GSN: variants seen among roughly 807,000 people sequenced by gnomAD.
GSN encodes the protein actin-depolymerizing factor.
A neutral mutation model predicts 85.7 loss-of-function variants in GSN; 56 were observed. That is an observed-to-expected ratio of 0.65 (90% confidence interval 0.53 to 0.82). The LOEUF is 0.82. GSN is among the 40% of genes least tolerant of loss of function. The pLI is 0.00. For missense variants in GSN, 857 were observed against 979.8 expected, an observed-to-expected ratio of 0.87 and a Z score of 1.67; for synonymous variants, 373 against 399.1, an observed-to-expected ratio of 0.93 and a Z score of 0.78.
chr9:121,300,150 G>T, intron 2 of GSN: 2 of 1,568,080 alleles, frequency 1.3e-6, no homozygotes, highest in Non-Finnish European at 1.8e-6. Flanking sequence ...GCTGCTTCCG[G>T]GGCTCTGGCT....
intron 14 of GSN, 166 bp from the exon 15 acceptor site, chr9:121,328,725 C>T: frequency 1.3e-6 from 1 of 740,770 alleles, no homozygotes; most frequent in Non-Finnish European, 2.3e-6. Context: ...CGTCACCTTC[C>T]AATTCCCTCA....
chr9:121,229,034 A>G (rs537896606), intron 4 of GSN, among the ~76,000 whole-genome samples: 1 of 152,262 alleles, frequency 6.6e-6, no homozygotes, highest in South Asian at 2.1e-4. Context: ...ATAAGACACA[A>G]AAGTAGTGTC....
At chr9:121,274,261 T>C (rs537518234) in intron 1 of GSN, among the ~76,000 whole-genome samples, 2 of 152,308 alleles carry the variant, frequency 1.3e-5, no homozygotes, top group African/African-American at 4.8e-5. Context: ...TACTTTTTTT[T>C]TGTTATGGTA....
Position 121,316,935 on chromosome 9 carries a change from C to G in GSN, c.754-151C>G, listed in dbSNP as rs1039951648. On this transcript the variant is annotated intron_variant, in intron 7 of 17. Transcript: ENST00000432226. ...GATGTGGTTCTGACAAAGCAGAAAA[C>G]GAAAAAGAACCTCTAAATGTGTGCG... 1.2e-5 allele frequency: 10 copies of G among 851,482 alleles called. No individual in the cohort carries two copies. In the African/African-American group the frequency reaches 1.7e-4, roughly 15 times the overall value. The allele number at this position is 851,482 out of a possible 1,614,324, so 52.7% of individuals were successfully genotyped here.
intron 1 of GSN, chr9:121,280,668 T>A (rs1353343506): frequency 1.3e-5 from 2 of 152,194 alleles, no homozygotes; most frequent in African/African-American, 4.8e-5. Context: ...AGTAAACACA[T>A]GCCTTGTGCA....
Position 121,332,629 on chromosome 9 carries a change from C to T in GSN, c.*26C>T, listed in dbSNP as rs568601953. ...GGAGGGGCAGGGCCCACCCATGTCA[C>T]CGGTCAGTGCCTTTTGGAACTGTCC... On this transcript the variant is annotated 3_prime_UTR_variant, in exon 18 of 18. Coordinates refer to ENST00000432226, the MANE Select transcript of GSN (RefSeq NM_198252.3). This position sits in a 1 kb window ranked among gnomAD's most constrained non-coding sequence, Gnocchi z 4.8. The T allele has an allele frequency of 4.4e-6, 7 of 1,594,708 alleles. No individual in the cohort carries two copies. The African/African-American group carries it at 9.4e-5, about 21-fold the overall frequency.
At chr9:121,247,414 A>G (rs1391534651) in intron 5 of GSN, among the ~76,000 whole-genome samples, 3 of 152,204 alleles carry the variant, frequency 2.0e-5, no homozygotes, top group Non-Finnish European at 4.4e-5. Flanking sequence ...GTAGCCTTCC[A>G]ACTGTGCAGC....
intron 2 of GSN, among the ~76,000 whole-genome samples, chr9:121,209,944 C>T (rs1422067218): frequency 6.6e-6 from 1 of 152,158 alleles, no homozygotes; most frequent in African/African-American, 2.4e-5. Flanking sequence ...ACAATTTGGG[C>T]TAGGCCTTCA....
At chr9:121,247,870 C>G (rs546196881) in intron 5 of GSN, among the ~76,000 whole-genome samples, 4 of 144,122 alleles carry the variant, frequency 2.8e-5, no homozygotes, top group Admixed American at 7.1e-5. Flanking sequence ...CTCACCCCCC[C>G]ACCCCACCAC....
Position 121,299,470 on chromosome 9 carries a change from G to A in GSN, c.-9-2493G>A, listed in dbSNP as rs182104226. On this transcript the variant is annotated intron_variant, in intron 2 of 17. Coordinates refer to ENST00000432226, the MANE Select transcript of GSN (RefSeq NM_198252.3). The surrounding 1 kb of genome is among the most constrained non-coding windows in gnomAD (Gnocchi z 4.2). ...CTGAAAAGGATGTGCTGATGCCTCG[G>A]TGAAAAGCTTTCAAAAATTGTTAGT... 1.7e-4 allele frequency: 168 copies of A among 985,284 alleles called. No individual in the cohort carries two copies. In the African/African-American group the frequency reaches 2.7e-3, roughly 16 times the overall value. 61.0% of individuals were successfully genotyped at this position (985,284 alleles called of 1,614,324 possible). A position where few individuals can be genotyped will look rare whatever the true frequency, so the allele number is the denominator to read the frequency against.
At chr9:121,235,651 T>C (rs2054477837) in intron 5 of GSN, among the ~76,000 whole-genome samples, 1 of 152,212 alleles carries the variant, frequency 6.6e-6, no homozygotes, top group Non-Finnish European at 1.5e-5. Flanking sequence ...CTCTTCTGCA[T>C]CGGTGCAGCT....
At chr9:121,236,107 G>A (rs762979561) in intron 5 of GSN, among the ~76,000 whole-genome samples, 4 of 152,168 alleles carry the variant, frequency 2.6e-5, no homozygotes, top group Non-Finnish European at 4.4e-5. Flanking sequence ...TCTCCAGACC[G>A]CACTCCTAGC....
chr9:121,238,517 G>C (rs1303574523), intron 5 of GSN, among the ~76,000 whole-genome samples: 3 of 152,144 alleles, frequency 2.0e-5, no homozygotes, highest in Non-Finnish European at 4.4e-5. Flanking sequence ...GAGGTTTTGG[G>C]ACTTGGACTG....
At chr9:121,286,127 C>A in intron 2 of GSN, 1 of 1,535,570 alleles carries the variant, frequency 6.5e-7, no homozygotes, top group Non-Finnish European at 8.7e-7. Context: ...GCCCACATAG[C>A]TCCCCCCAGC....
chr9:121,294,334 G>A (rs940735068), intron 2 of GSN, among the ~76,000 whole-genome samples: 2 of 152,164 alleles, frequency 1.3e-5, no homozygotes, highest in Non-Finnish European at 2.9e-5. Flanking sequence ...GTTATTTGCA[G>A]CCCTGGCTAC....
intron 2 of GSN, among the ~76,000 whole-genome samples, chr9:121,297,442 T>G (rs1256666774): frequency 1.3e-5 from 2 of 152,198 alleles, no homozygotes; most frequent in African/African-American, 4.8e-5. Context: ...TGCAGTGATC[T>G]AGGCACTTCC....
chr9:121,229,112 C>T (rs1190301489), intron 4 of GSN, among the ~76,000 whole-genome samples: 6 of 152,160 alleles, frequency 3.9e-5, no homozygotes, highest in South Asian at 2.1e-4. Flanking sequence ...TAATTTTCGT[C>T]CAGTAGTATA....
chr9:121,291,612 G>A (rs2058702151), intron 2 of GSN, among the ~76,000 whole-genome samples: 1 of 151,992 alleles, frequency 6.6e-6, no homozygotes, highest in South Asian at 2.1e-4. Context: ...TAGAGATGGG[G>A]TTTCACCATG....
At chr9:121,202,228 C>T in the GSN span, among the ~76,000 whole-genome samples, 1 of 152,228 alleles carries the variant, frequency 6.6e-6, no homozygotes, top group South Asian at 2.1e-4. Context: ...TTTTTAAAGC[C>T]AACATTTACC....
Sources: gnomAD v4.1 joint callset for allele counts (sites outside exome capture counted in the v4.1 genomes callset) on GRCh38, gnomAD v4.1.1 for gene constraint, Gnocchi (gnomAD v3.1) non-coding constraint, MANE v1.5 for transcripts, NCBI Gene and HGNC (gene_info 2026-07-23, HGNC 2026-07-21) for gene names.